The following CREG1 variants were observed in gnomAD, a reference collection of about 807,000 sequenced individuals.
The protein encoded by CREG1 is protein CREG1.
A neutral mutation model predicts 19.9 loss-of-function variants in CREG1; 20 were observed. That is an observed-to-expected ratio of 1.01 (90% CI 0.71 to 1.46). The LOEUF (loss-of-function observed/expected upper bound fraction) is 1.46, where lower values mean the gene tolerates loss of function less well. Ranked by LOEUF, CREG1 falls within the 40% of genes most tolerant of loss-of-function variation. CREG1 has a pLI of 0.00. For missense variants in CREG1, 290 were observed against 314.9 expected (o/e 0.92, Z 0.60); for synonymous variants, 141 against 143.3 (o/e 0.98, Z 0.12).
chr1:167,546,287 T>C lies in CREG1; in HGVS notation c.475-2A>G. ...AATATCCATTTCTGTTTCATTCACC[T>C]AAAGGACATATATGAAATAAACATT... On this transcript the variant is annotated splice_acceptor_variant, in intron 2 of 3. Coordinates refer to ENST00000370509, the MANE Select transcript of CREG1 (RefSeq NM_003851.3). LOFTEE classifies it high-confidence loss of function. 6.4e-7 allele frequency: 1 copy of C among 1,563,686 alleles called. No individual in the cohort carries two copies. Among genetic ancestry groups the C allele is most frequent in the African/African-American group, 1.4e-5 (1 of 73,230 alleles).
At chr1:167,547,934 T>C in intron 2 of CREG1, 68 bp downstream of exon 2, 1 of 1,517,492 alleles carries the variant, frequency 6.6e-7, no homozygotes, top group African/African-American at 1.4e-5. Flanking sequence ...AGAAAAATGA[T>C]CTATTCTTTC....
intron 3 of CREG1, among the ~76,000 whole-genome samples, chr1:167,544,813 T>C (rs953627119): frequency 5.9e-5 from 9 of 152,288 alleles, no homozygotes; most frequent in Admixed American, 1.3e-4. Flanking sequence ...AGTTAATACA[T>C]GAAAAGTAGC....
chr1:167,545,986 ACCAG>A, intron 3 of CREG1, 111 bp downstream of exon 3: 1 of 701,530 alleles, frequency 1.4e-6, no homozygotes, highest in Non-Finnish European at 2.2e-6. Context: ...CAGCGGCTTT[ACCAG>A]ACTGCCCAGG....
rs757530382 is a variant in CREG1 at position 167,548,099 on chromosome 1, G to A, written c.377C>T (p.Thr126Ile). 19 of 1,612,750 alleles carry A rather than the reference G, an allele frequency of 1.2e-5. No individual in the cohort carries two copies. Among genetic ancestry groups the A allele is most frequent in the Middle Eastern group, 1.6e-4 (1 of 6,074 alleles). ...GAAGTTGGTCTGTGCCAAAGTCATG[G>A]TCAGTGTAGCATATGGATTCTCCTA... ...NLQENPYATLTMTLAQTNFCK... is the reference protein window; with the variant it reads ...NLQENPYATLIMTLAQTNFCK... The change falls in exon 2 of 4, where the codon ACC becomes ATC. Residue 126 changes from threonine (T) to isoleucine (I), a missense_variant. Thr to Ile is a moderately conservative substitution (Grantham distance 89). Transcript: ENST00000370509.
intron 3 of CREG1, 58 bp from the exon 4 acceptor site, chr1:167,542,359 A>G (rs2102147858): frequency 6.6e-7 from 1 of 1,510,096 alleles, no homozygotes; most frequent in East Asian, 2.3e-5. Flanking sequence ...AATCTTAAAA[A>G]TTAATTCATT....
chr1:167,547,964 T>C (rs1478029982), intron 2 of CREG1, 38 bp downstream of exon 2: 1 of 1,590,710 alleles, frequency 6.3e-7, no homozygotes, highest in East Asian at 2.3e-5. Flanking sequence ...ACGATGGTGT[T>C]CTGAAACCAT....
chr1:167,544,147 C>T (rs1283942539), intron 3 of CREG1, among the ~76,000 whole-genome samples: 16 of 152,168 alleles, frequency 1.1e-4, no homozygotes, highest in Non-Finnish European at 2.9e-5. Flanking sequence ...GCCCAGAAGA[C>T]GACCAGTGGC....
chr1:167,548,005 G>T lies in CREG1; in HGVS notation c.471C>A (p.Thr157=). ...CVHIMLSGTV[T]KVNETEMDIA... ...TTCCTGTAGGATAACTACTTACCTT[G>T]GTCACAGTTCCTGACAGCATTATGT... The change falls in exon 2 of 4, where the codon ACC becomes ACA. Residue 157 remains threonine (T), a synonymous_variant. Transcript: ENST00000370509. The T allele has an allele frequency of 6.2e-7, 1 of 1,609,736 alleles. No homozygotes were observed. The highest frequency in any genetic ancestry group is 8.5e-7 in the Non-Finnish European group (1 of 1,176,338).
At chr1:167,546,413 G>A in intron 2 of CREG1, 128 bp from the exon 3 acceptor site, 1 of 577,118 alleles carries the variant, frequency 1.7e-6, no homozygotes, top group East Asian at 3.2e-5. Flanking sequence ...GAAGGCCAAG[G>A]CGGGCGGATC....
At position 167,549,882 on chromosome 1, in the gene CREG1, T is replaced by C. The variant is rs187177308; in HGVS notation, c.355-1761A>G. Among the ~76,000 whole-genome samples, 18 of 152,138 alleles carry C rather than the reference T, an allele frequency of 1.2e-4. No homozygotes were observed. In the East Asian group the frequency reaches 3.5e-3, roughly 29 times the overall value. ...TTTTATTTTTTGTAGACATGGAGTT[T>C]CACTGTGTTGCCCTGGCTGGTCTCA... On this transcript the variant is annotated intron_variant, in intron 1 of 3. Coordinates refer to ENST00000370509, the MANE Select transcript of CREG1 (RefSeq NM_003851.3).
rs956602663 is a variant in CREG1 at position 167,541,257 on chromosome 1, A to T, written c.*1041T>A. 1 of 152,190 alleles carries T rather than the reference A, an allele frequency of 6.6e-6. No individual in the cohort carries two copies. Among genetic ancestry groups the T allele is most frequent in the Non-Finnish European group, 1.5e-5 (1 of 68,032 alleles). The allele number at this position is 152,190 out of a possible 1,614,324, so 9.4% of individuals were successfully genotyped here. Reference sequence around the variant, plus strand: ...TCTTCTGAAATCATGTATATGGGTAATAATATTAGTGTCTTCTCTTCTGAA... The same window carrying T: ...TCTTCTGAAATCATGTATATGGGTATTAATATTAGTGTCTTCTCTTCTGAA... On this transcript the variant is annotated 3_prime_UTR_variant, in exon 4 of 4. Coordinates refer to ENST00000370509, the MANE Select transcript of CREG1 (RefSeq NM_003851.3).
At chr1:167,549,205 G>A (rs2102151713) in intron 1 of CREG1, among the ~76,000 whole-genome samples, 1 of 152,304 alleles carries the variant, frequency 6.6e-6, no homozygotes, top group African/African-American at 2.4e-5. Flanking sequence ...CCTACGGGAG[G>A]AGCCTGGGGT....
At chr1:167,552,629 G>A (rs1432861823) in intron 1 of CREG1, among the ~76,000 whole-genome samples, 1 of 152,238 alleles carries the variant, frequency 6.6e-6, no homozygotes, top group Non-Finnish European at 1.5e-5. Flanking sequence ...GATATTGTAC[G>A]TTAGCGTCTT....
chr1:167,545,508 T>C (rs999725195), intron 3 of CREG1, among the ~76,000 whole-genome samples: 4 of 152,144 alleles, frequency 2.6e-5, no homozygotes, highest in African/African-American at 7.2e-5. Context: ...TCTTAAAATA[T>C]TGTCTTCAAT....
In CREG1 at chr1:167,546,266, T is replaced by A; in HGVS notation, c.494A>T (p.Asp165Val). 6.2e-7 allele frequency: 1 copy of A among 1,601,908 alleles called. No homozygotes were observed. The highest frequency in any genetic ancestry group is 2.2e-5 in the East Asian group (1 of 44,716). Residue 165 changes from aspartate to valine, a missense_variant, in exon 3 of 4, where the codon GAT becomes GTT. Physicochemically the swap from Asp to Val is radical, Grantham distance 152. Coordinates refer to ENST00000370509, the MANE Select transcript of CREG1 (RefSeq NM_003851.3). ...AATGAATAACGAATGCTTTGCAATATCCATTTCTGTTTCATTCACCTAAAG... is the reference window on the plus strand; with the variant it reads ...AATGAATAACGAATGCTTTGCAATAACCATTTCTGTTTCATTCACCTAAAG... The part of the protein sequence containing the change: ...TVTKVNETEM[D>V]IAKHSLFIRH...
intron 1 of CREG1, among the ~76,000 whole-genome samples, chr1:167,550,718 T>A (rs1656409526): frequency 6.6e-6 from 1 of 151,966 alleles, no homozygotes; most frequent in African/African-American, 2.4e-5. Flanking sequence ...GGTGGCAAAG[T>A]AACGAAGCAA....
Position 167,546,179 on chromosome 1 carries a change from A to G in CREG1, c.581T>C (p.Ile194Thr). 6.2e-7 allele frequency: 1 copy of G among 1,613,634 alleles called. No individual in the cohort carries two copies. The highest frequency in any genetic ancestry group is 8.5e-7 in the Non-Finnish European group (1 of 1,179,848). The change falls in exon 3 of 4, where the codon ATA (isoleucine) becomes ACA (threonine). Residue 194 changes from isoleucine (I) to threonine (T), a missense_variant. By Grantham distance (89) the Ile-to-Thr change is moderately conservative. Transcript: ENST00000370509. ...SHNWFFAKLNITNIWVLDYFG... is the reference protein window; with the variant it reads ...SHNWFFAKLNTTNIWVLDYFG... ...GTAGTCCAGGACCCAGATATTGGTTATATTCAACTTAGCAAAGAACCAATT... is the reference window on the plus strand; with the variant it reads ...GTAGTCCAGGACCCAGATATTGGTTGTATTCAACTTAGCAAAGAACCAATT...
chr1:167,546,415 G>A (rs987243434), intron 2 of CREG1, 130 bp from the exon 3 acceptor site: 29 of 564,962 alleles, frequency 5.1e-5, no homozygotes, highest in Admixed American at 4.4e-4. Context: ...AGGCCAAGGC[G>A]GGCGGATCAC....
rs538655572 is a variant in CREG1 at position 167,541,380 on chromosome 1, A to C, written c.*918T>G. 3.9e-5 allele frequency: 6 copies of C among 152,314 alleles called. No homozygotes were observed. The South Asian group carries it at 1.2e-3, about 32-fold the overall frequency. The allele number at this position is 152,314 out of a possible 1,614,324, so 9.4% of individuals were successfully genotyped here. On this transcript the variant is annotated 3_prime_UTR_variant, in exon 4 of 4. Transcript: ENST00000370509. Reference sequence around the variant, plus strand: ...ATTAAGAGATTTGGGGCAGTTGAGGAAGCCTTAGGTAATTGTTAAGAGTAG... The same window carrying C: ...ATTAAGAGATTTGGGGCAGTTGAGGCAGCCTTAGGTAATTGTTAAGAGTAG...
Sources: gnomAD v4.1 joint callset for allele counts (sites outside exome capture counted in the v4.1 genomes callset) on GRCh38, gnomAD v4.1.1 for gene constraint, MANE v1.5 for transcripts, NCBI Gene and HGNC (gene_info 2026-07-23, HGNC 2026-07-21) for gene names.